Variants in NTN1 observed in about 807,000 individuals in gnomAD.
The protein encoded by NTN1 is netrin 1.
Under a neutral mutation model 54.2 loss-of-function variants are expected in NTN1, and 11 were observed. The observed-to-expected ratio is 0.20, with a 90% CI of 0.13 to 0.34. NTN1 has a LOEUF of 0.34. Among genes scored for constraint, NTN1 ranks in the 10% least tolerant of loss-of-function variants. The probability of loss-of-function intolerance (pLI) is 1.00; values close to 1 mark genes in which losing one functional copy is unlikely to be tolerated. For synonymous variants in NTN1, 371 were observed against 382.0 expected (o/e 0.97, Z 0.33); for missense variants, 740 against 893.1 (o/e 0.83, Z 2.18).
chr17:9,157,113 A>G (rs2092345179), intron 2 of NTN1, among the ~76,000 whole-genome samples: 1 of 152,212 alleles, frequency 6.6e-6, no homozygotes, highest in Non-Finnish European at 1.5e-5. Flanking sequence ...TCATTTGCAC[A>G]ACAAAAATGT....
chr17:9,227,145 G>A (rs1479203439), intron 6 of NTN1, among the ~76,000 whole-genome samples: 1 of 151,918 alleles, frequency 6.6e-6, no homozygotes, highest in Non-Finnish European at 1.5e-5. Flanking sequence ...TCACACAACC[G>A]CTGTGCTCAC....
intron 2 of NTN1, among the ~76,000 whole-genome samples, chr17:9,025,820 T>A (rs768099990): frequency 3.3e-5 from 5 of 152,218 alleles, no homozygotes; most frequent in Non-Finnish European, 7.3e-5. Context: ...GAATTAGTAT[T>A]TGACAGGTGT....
intron 2 of NTN1, among the ~76,000 whole-genome samples, chr17:9,086,896 T>TTCAACA (rs1474858738): frequency 2.0e-5 from 3 of 152,104 alleles, no homozygotes; most frequent in African/African-American, 7.2e-5. Context: ...CACCATCAGC[T>TTCAACA]TCACCATCAC....
At chr17:9,117,198 G>T (rs903103738) in intron 2 of NTN1, among the ~76,000 whole-genome samples, 1 of 152,202 alleles carries the variant, frequency 6.6e-6, no homozygotes, top group Non-Finnish European at 1.5e-5. Context: ...GAGAGACAGG[G>T]CAGGGAGGCA....
chr17:9,138,732 A>C (rs536528895), intron 2 of NTN1, among the ~76,000 whole-genome samples: 2 of 152,260 alleles, frequency 1.3e-5, no homozygotes, highest in East Asian at 3.9e-4. Flanking sequence ...GTTAGGTACC[A>C]GGGAGGGGCA....
rs530766619 is a variant in NTN1 at position 9,210,805 on chromosome 17, T to C, written c.1412-10363T>C. 1.1e-3 allele frequency among the ~76,000 whole-genome samples: 154 copies of C among 143,302 alleles called. 1 individual carries two copies. Among genetic ancestry groups the C allele is most frequent in the African/African-American group, 3.7e-3 (143 of 38,504 alleles). The allele number at this position is 143,302 out of a possible 152,430, so 94.0% of individuals were successfully genotyped here. A position where few individuals can be genotyped will look rare whatever the true frequency, so the allele number is the denominator to read the frequency against. The stretch of plus-strand genomic sequence containing the variant: ...CCTGTAATCCCAGCTACTTGGGAGG[T>C]TGAGGCGGGAGAATCGCTTGAACCT... On this transcript the variant is annotated intron_variant, in intron 5 of 6. Transcript: ENST00000173229.
In NTN1 at chr17:9,022,543, A is replaced by G; in HGVS notation, c.170A>G (p.Asn57Ser). ...HPRRCIPDFV[N>S]AAFGKDVRVS... is the part of the protein sequence containing the mutation. ...CGCCGCTGCATCCCGGACTTTGTCA[A>G]TGCGGCCTTCGGCAAGGACGTGCGC... Residue 57 changes from asparagine to serine, a missense_variant, in exon 2 of 7, where the codon AAT (asparagine) becomes AGT (serine). Asn to Ser is a conservative substitution (Grantham distance 46). Transcript: ENST00000173229. 3 of 1,551,384 alleles carry G rather than the reference A, an allele frequency of 1.9e-6. No individual in the cohort carries two copies. The highest frequency in any genetic ancestry group is 1.7e-4 in the Middle Eastern group (1 of 5,986).
At chr17:9,167,776 C>CA (rs1555572753) in intron 3 of NTN1, among the ~76,000 whole-genome samples, 2 of 151,982 alleles carry the variant, frequency 1.3e-5, no homozygotes, top group Non-Finnish European at 2.9e-5. Context: ...GTCTTGCCCC[C>CA]TCTGTTTCCT....
At chr17:9,110,217 T>C (rs941208610) in intron 2 of NTN1, among the ~76,000 whole-genome samples, 2 of 151,982 alleles carry the variant, frequency 1.3e-5, no homozygotes, top group African/African-American at 4.8e-5. Flanking sequence ...CTTGAGGTGC[T>C]GCCTGGTGAG....
intron 2 of NTN1, among the ~76,000 whole-genome samples, chr17:9,079,345 C>T (rs780212091): frequency 3.9e-5 from 6 of 152,186 alleles, no homozygotes; most frequent in Non-Finnish European, 8.8e-5. Context: ...AACACTTCCT[C>T]CTCAGCTTTG....
chr17:9,035,578 A>C, intron 2 of NTN1, among the ~76,000 whole-genome samples: 1 of 152,100 alleles, frequency 6.6e-6, no homozygotes, highest in East Asian at 1.9e-4. Context: ...GTTCAATTTC[A>C]CTTTTATTTT....
chr17:9,176,347 G>A (rs976130305), intron 3 of NTN1: 7 of 152,446 alleles, frequency 4.6e-5, no homozygotes, highest in Admixed American at 1.3e-4. Context: ...GTGTTTCTGG[G>A]AATATGTGTG....
intron 2 of NTN1, among the ~76,000 whole-genome samples, chr17:9,124,999 A>G (rs2092241898): frequency 6.6e-6 from 1 of 152,114 alleles, no homozygotes; most frequent in Admixed American, 6.5e-5. Flanking sequence ...TGTTGTTGTT[A>G]GTGTGTATGT....
upstream of NTN1, among the ~76,000 whole-genome samples, chr17:9,019,187 TCTTA>T (rs1381705610): frequency 6.6e-6 from 1 of 152,226 alleles, no homozygotes; most frequent in Non-Finnish European, 1.5e-5. Context: ...TTCTTTGTTC[TCTTA>T]CTTCATATTT....
At position 9,190,454 on chromosome 17, in the gene NTN1, A is replaced by G. The variant is rs1272155139; in HGVS notation, c.1411+7485A>G. Among the ~76,000 whole-genome samples, 3 of 152,220 alleles carry G rather than the reference A, an allele frequency of 2.0e-5. No homozygotes were observed. The South Asian group carries it at 6.2e-4, about 32-fold the overall frequency. On this transcript the variant is annotated intron_variant, in intron 5 of 6. Transcript: ENST00000173229. ...AATTTTTTTAAAAGAAGATTAATGG[A>G]GGGTGATTTGCCCTACCAGATATTT... is the stretch of plus-strand genomic sequence containing the variant.
intron 5 of NTN1, chr17:9,183,383 C>T: frequency 4.2e-6 from 2 of 480,524 alleles, no homozygotes; most frequent in Non-Finnish European, 8.4e-6. Flanking sequence ...TGCAGGGGGC[C>T]CAGGAGCTGG....
intron 2 of NTN1, among the ~76,000 whole-genome samples, chr17:9,099,736 A>G (rs1253693652): frequency 6.6e-6 from 1 of 152,222 alleles, no homozygotes; most frequent in Non-Finnish European, 1.5e-5. Flanking sequence ...CAGAAATATT[A>G]TGAGAATGTC....
intron 2 of NTN1, among the ~76,000 whole-genome samples, chr17:9,029,474 T>C (rs949469679): frequency 5.9e-5 from 9 of 152,188 alleles, no homozygotes; most frequent in Admixed American, 3.3e-4. Context: ...AGCCGTGTCC[T>C]ATTATAGCCA....
chr17:9,136,907 G>A (rs572349816), intron 2 of NTN1, among the ~76,000 whole-genome samples: 38 of 152,176 alleles, frequency 2.5e-4, no homozygotes, highest in Non-Finnish European at 7.3e-5. Context: ...GGCAGAAAGA[G>A]GGAAGGCCTT....
Sources: gnomAD v4.1 joint callset for allele counts (sites outside exome capture counted in the v4.1 genomes callset) on GRCh38, gnomAD v4.1.1 for gene constraint, MANE v1.5 for transcripts, NCBI Gene and HGNC (gene_info 2026-07-23, HGNC 2026-07-21) for gene names.